C5orf24: variants seen among roughly 807,000 people sequenced by gnomAD.
C5orf24 encodes the protein UPF0461 protein C5orf24.
C5orf24 carries 4 observed loss-of-function variants against 9.8 expected under a neutral mutation model. That is an observed-to-expected ratio of 0.41 (90% CI 0.20 to 0.93). The LOEUF (loss-of-function observed/expected upper bound fraction) is 0.93. Ranked by LOEUF, C5orf24 falls within the 40% of genes least tolerant of loss-of-function variation. C5orf24 has a pLI of 0.33. For missense variants in C5orf24, 170 were observed against 236.9 expected (o/e 0.72, Z 1.85); for synonymous variants, 73 against 81.3 (o/e 0.90, Z 0.55).
chr5:134,856,863 T>C lies in C5orf24; in HGVS notation c.*1396T>C, dbSNP rs1232382523. ...TTTCCCGACCATCAGAACCCAAATA[T>C]TAAGAAGCATATAGGAATCCATCTA... On this transcript the variant is annotated 3_prime_UTR_variant, in exon 2 of 2. Coordinates refer to ENST00000394976, the MANE Select transcript of C5orf24 (RefSeq NM_001135586.1). 5.0e-6 allele frequency: 5 copies of C among 1,000,292 alleles called. No homozygotes were observed. The highest frequency in any genetic ancestry group is 6.0e-6 in the Non-Finnish European group (5 of 830,098). The allele number at this position is 1,000,292 out of a possible 1,614,324, so 62.0% of individuals were successfully genotyped here.
chr5:134,842,546 CAG>C (rs61586956), upstream of C5orf24, among the ~76,000 whole-genome samples: 849 of 151,754 alleles, frequency 5.6e-3, 6 homozygotes, highest in African/African-American at 0.02. Flanking sequence ...GTAGATGTGT[CAG>C]AGGGTGAGTA....
At chr5:134,838,385 T>C in the C5orf24 span, among the ~76,000 whole-genome samples, 2 of 151,960 alleles carry the variant, frequency 1.3e-5, no homozygotes, top group Non-Finnish European at 2.9e-5. Context: ...AAAAGTGCAC[T>C]CCCGGCCGGA....
chr5:134,834,250 T>C, the C5orf24 span, among the ~76,000 whole-genome samples: 1 of 152,158 alleles, frequency 6.6e-6, no homozygotes, highest in African/African-American at 2.4e-5. Flanking sequence ...AGCTTTTCAT[T>C]TGAACTTGGT....
upstream of C5orf24, among the ~76,000 whole-genome samples, chr5:134,845,099 CCT>C (rs1755959060): frequency 2.0e-5 from 3 of 152,102 alleles, no homozygotes; most frequent in Admixed American, 6.6e-5. Flanking sequence ...GTCTCCAGTC[CCT>C]CAGTAGTTTG....
rs1418066231 is a variant in C5orf24 at position 134,858,493 on chromosome 5, T to C, written c.*3026T>C. The C allele has an allele frequency of 6.0e-6, 1 of 167,024 alleles. No individual in the cohort carries two copies. Among genetic ancestry groups the C allele is most frequent in the Non-Finnish European group, 1.5e-5 (1 of 68,098 alleles). 10.3% of individuals were successfully genotyped at this position (167,024 alleles called of 1,614,324 possible). A position where few individuals can be genotyped will look rare whatever the true frequency, so the allele number is the denominator to read the frequency against. The stretch of plus-strand genomic sequence containing the variant: ...GGAAAACTGGCCTTTTCTCCCCCAC[T>C]GTATGATTGTTTCTTGAAAGGTAAA... On this transcript the variant is annotated 3_prime_UTR_variant, in exon 2 of 2. Transcript: ENST00000394976.
At chr5:134,838,966 T>C in the C5orf24 span, among the ~76,000 whole-genome samples, 48 of 152,192 alleles carry the variant, frequency 3.2e-4, no homozygotes, top group East Asian at 7.9e-3. Context: ...CCCAGCACTT[T>C]GGGAGGCTAA....
rs1287931267 is a variant in C5orf24 at position 134,855,482 on chromosome 5, G to C, written c.*15G>C. The C allele has an allele frequency of 6.2e-7, 1 of 1,613,316 alleles. No individual in the cohort carries two copies. Among genetic ancestry groups the C allele is most frequent in the Admixed American group, 1.7e-5 (1 of 59,610 alleles). ...CCAATGAGTGAATGAGGCAGGAAAA[G>C]AGGGCCAGGTTTAGAAGGAAGATTG... On this transcript the variant is annotated 3_prime_UTR_variant, in exon 2 of 2. Transcript: ENST00000394976.
At chr5:134,834,342 C>G in the C5orf24 span, among the ~76,000 whole-genome samples, 1 of 152,092 alleles carries the variant, frequency 6.6e-6, no homozygotes, top group East Asian at 1.9e-4. Flanking sequence ...GGCCTTTATC[C>G]CTGAAATCCT....
At chr5:134,837,232 C>T in the C5orf24 span, among the ~76,000 whole-genome samples, 2 of 152,184 alleles carry the variant, frequency 1.3e-5, no homozygotes, top group Non-Finnish European at 2.9e-5. Context: ...CTTGACCTCC[C>T]AAAGTGCTGG....
the C5orf24 span, among the ~76,000 whole-genome samples, chr5:134,837,471 A>G: frequency 6.6e-6 from 1 of 152,082 alleles, no homozygotes; most frequent in Non-Finnish European, 1.5e-5. Context: ...AGATTTTCTT[A>G]TGCTCTCTGC....
At chr5:134,833,811 A>G in the C5orf24 span, among the ~76,000 whole-genome samples, 2 of 152,164 alleles carry the variant, frequency 1.3e-5, no homozygotes, top group Non-Finnish European at 2.9e-5. Context: ...TTTAGCTGCT[A>G]TGTGTGTGTG....
the C5orf24 span, among the ~76,000 whole-genome samples, chr5:134,836,354 G>A: frequency 2.0e-5 from 3 of 151,854 alleles, no homozygotes; most frequent in Admixed American, 1.3e-4. Flanking sequence ...TGTAATTTTA[G>A]TAGAGACAAG....
rs892574965 is a variant in C5orf24, at chr5:134,858,851, G to A, written c.*3384G>A. On this transcript the variant is annotated 3_prime_UTR_variant, in exon 2 of 2. Coordinates refer to ENST00000394976, the MANE Select transcript of C5orf24 (RefSeq NM_001135586.1). ...TCTGGTTTAATTTTTAATATTTAGG[G>A]ACATTTTAAAAAATCAATGTTTTAA... 3 of 166,022 alleles carry A rather than the reference G, an allele frequency of 1.8e-5. No individual in the cohort carries two copies. Among genetic ancestry groups the A allele is most frequent in the African/African-American group, 7.3e-5 (3 of 41,370 alleles). 10.3% of individuals were successfully genotyped at this position (166,022 alleles called of 1,614,324 possible).
rs769738134 is a variant in C5orf24, at chr5:134,858,443, C to A, written c.*2976C>A. On this transcript the variant is annotated 3_prime_UTR_variant, in exon 2 of 2. Coordinates refer to ENST00000394976, the MANE Select transcript of C5orf24 (RefSeq NM_001135586.1). ...ACTGAAATAGCATGTTAAACAGTTG[C>A]CTATACTTTAATATAATCAGTTGGG... 3.0e-5 allele frequency: 5 copies of A among 166,808 alleles called. No homozygotes were observed. The highest frequency in any genetic ancestry group is 7.3e-5 in the Non-Finnish European group (5 of 68,100). The allele number at this position is 166,808 out of a possible 1,614,324, so 10.3% of individuals were successfully genotyped here. A position where few individuals can be genotyped will look rare whatever the true frequency, so the allele number is the denominator to read the frequency against.
intron 1 of C5orf24, among the ~76,000 whole-genome samples, chr5:134,854,417 C>G (rs911230353): frequency 2.6e-5 from 4 of 152,188 alleles, no homozygotes; most frequent in Non-Finnish European, 5.9e-5. Context: ...GAGTGTCCAT[C>G]TTGTGGAAAC....
chr5:134,844,091 C>CT (rs919371269), upstream of C5orf24, among the ~76,000 whole-genome samples: 24 of 152,196 alleles, frequency 1.6e-4, no homozygotes, highest in South Asian at 2.3e-3. Flanking sequence ...ATGAAAATTT[C>CT]TTTTTCTTAA....
Position 134,855,634 on chromosome 5 carries a change from T to A in C5orf24, c.*167T>A. On this transcript the variant is annotated 3_prime_UTR_variant, in exon 2 of 2. Transcript: ENST00000394976. ...TCAAAAACTGCCATATGCTGACAGA[T>A]GCACTCAGGGCATGAGCAGCGGCAT... is the stretch of plus-strand genomic sequence containing the variant. The A allele has an allele frequency of 1.4e-6, 2 of 1,472,270 alleles. No homozygotes were observed. The highest frequency in any genetic ancestry group is 1.8e-6 in the Non-Finnish European group (2 of 1,116,854). 91.2% of individuals were successfully genotyped at this position (1,472,270 alleles called of 1,614,324 possible). A position where few individuals can be genotyped will look rare whatever the true frequency, so the allele number is the denominator to read the frequency against.
upstream of C5orf24, among the ~76,000 whole-genome samples, chr5:134,845,322 C>T (rs930486369): frequency 2.6e-5 from 4 of 152,240 alleles, no homozygotes; most frequent in Non-Finnish European, 5.9e-5. Context: ...CCTCTTCCCA[C>T]TGCTTAATAA....
the C5orf24 span, among the ~76,000 whole-genome samples, chr5:134,839,447 C>A: frequency 6.6e-6 from 1 of 152,112 alleles, no homozygotes; most frequent in Non-Finnish European, 1.5e-5. Flanking sequence ...GCATTTAAAT[C>A]CGTATCTATC....
Sources: gnomAD v4.1 joint callset for allele counts (sites outside exome capture counted in the v4.1 genomes callset) on GRCh38, gnomAD v4.1.1 for gene constraint, MANE v1.5 for transcripts, NCBI Gene and HGNC (gene_info 2026-07-23, HGNC 2026-07-21) for gene names.